Variants in IL5 observed in about 807,000 individuals in gnomAD.
IL5 encodes the protein interleukin-5.
In IL5, 12 loss-of-function variants were observed where a neutral mutation model predicts 16.3. That is an observed-to-expected ratio of 0.74 (90% CI 0.47 to 1.20). The LOEUF is 1.20. IL5 is among the 50% of genes most tolerant of loss of function. The probability of loss-of-function intolerance (pLI) is 0.00; values close to 1 mark genes in which losing one functional copy is unlikely to be tolerated. For synonymous variants in IL5, 54 were observed against 56.6 expected (o/e 0.95, Z 0.21); for missense variants, 159 against 153.9 (o/e 1.03, Z -0.17).
chr5:132,550,473 G>A (rs192098263), intron 1 of IL5, among the ~76,000 whole-genome samples: 2 of 152,166 alleles, frequency 1.3e-5, no homozygotes, highest in Admixed American at 6.5e-5. Context: ...AAAGGCACGC[G>A]CCATCATGCC....
At chr5:132,549,053 A>T (rs1749840950) in intron 1 of IL5, among the ~76,000 whole-genome samples, 1 of 151,992 alleles carries the variant, frequency 6.6e-6, no homozygotes, top group African/African-American at 2.4e-5. Flanking sequence ...TGGAAACTCA[A>T]GAAGTCTTTT....
At chr5:132,550,712 A>G (rs777552670) in intron 1 of IL5, among the ~76,000 whole-genome samples, 7 of 152,204 alleles carry the variant, frequency 4.6e-5, no homozygotes, top group Non-Finnish European at 1.0e-4. Context: ...TATTAGCACC[A>G]GGAGATATAT....
At chr5:132,544,209 C>T (rs4986967), upstream of IL5, among the ~76,000 whole-genome samples, 2 of 152,210 alleles carry the variant, frequency 1.3e-5, no homozygotes, top group Admixed American at 6.5e-5. Flanking sequence ...AGATGATGTC[C>T]AGACTCCTGG....
chr5:132,545,422 G>A (rs1186977142), upstream of IL5, among the ~76,000 whole-genome samples: 2 of 152,184 alleles, frequency 1.3e-5, no homozygotes, highest in Non-Finnish European at 2.9e-5. Flanking sequence ...GGAGGCTGAA[G>A]CAGAAGGATT....
chr5:132,556,520 T>C lies in IL5; in HGVS notation c.42+154A>G, dbSNP rs551101157. 18 of 227,764 alleles carry C rather than the reference T, an allele frequency of 7.9e-5. No individual in the cohort carries two copies. In the East Asian group the frequency reaches 3.0e-3, roughly 37 times the overall value. The allele number at this position is 227,764 out of a possible 1,614,324, so 14.1% of individuals were successfully genotyped here. A position where few individuals can be genotyped will look rare whatever the true frequency, so the allele number is the denominator to read the frequency against. On this transcript the variant is annotated intron_variant, in intron 1 of 2. Transcript: ENST00000450655. ...ACATTTACTCAATTAGAAATTAAAA[T>C]TGGTATTTCTAAGCGCAAGAATACA...
At chr5:132,544,560 C>T (rs2069809), upstream of IL5, among the ~76,000 whole-genome samples, 628 of 152,302 alleles carry the variant, frequency 4.1e-3, 1 homozygote, top group African/African-American at 0.014. Flanking sequence ...ACACCTTGGG[C>T]GGGCCATGAA....
chr5:132,547,514 G>A (rs1580967264), upstream of IL5, among the ~76,000 whole-genome samples: 1 of 152,280 alleles, frequency 6.6e-6, no homozygotes. Flanking sequence ...AGCCAGAGAG[G>A]CCTCTAAGAG....
In IL5 at chr5:132,543,398, A is replaced by G. The variant is rs766810951; in HGVS notation, c.81T>C (p.Ser27=). 6.2e-7 allele frequency: 1 copy of G among 1,614,200 alleles called. No homozygotes were observed. Among genetic ancestry groups the G allele is most frequent in the East Asian group, 2.2e-5 (1 of 44,878 alleles). ...GTGCCAAGGTCTCTTTCACCAATGC[A>G]CTTGTGGGAATTTCTGTGGGGATGG... is the stretch of plus-strand genomic sequence containing the variant. The part of the protein sequence containing the change: ...VYAIPTEIPT[S]ALVKETLALL... Residue 27 remains serine (S), a synonymous_variant, in exon 1 of 4, where the codon AGT becomes AGC. Coordinates refer to ENST00000231454, the MANE Select transcript of IL5 (RefSeq NM_000879.3).
chr5:132,548,909 G>A (rs1456844931), intron 1 of IL5, among the ~76,000 whole-genome samples: 1 of 152,176 alleles, frequency 6.6e-6, no homozygotes, highest in East Asian at 1.9e-4. Context: ...TTTGTGGCCA[G>A]AAATATGCCA....
At chr5:132,552,094 C>T (rs1481309699) in intron 1 of IL5, among the ~76,000 whole-genome samples, 3 of 152,088 alleles carry the variant, frequency 2.0e-5, no homozygotes, top group African/African-American at 7.2e-5. Context: ...CATAGTGAAA[C>T]CCCGTCTCTA....
upstream of IL5, among the ~76,000 whole-genome samples, chr5:132,546,562 A>G (rs114772795): frequency 4.1e-3 from 617 of 152,290 alleles, 1 homozygote; most frequent in African/African-American, 0.014. Flanking sequence ...ATGGACACCA[A>G]TGTTGCTTCC....
upstream of IL5, among the ~76,000 whole-genome samples, chr5:132,548,154 A>G (rs1322705276): frequency 2.0e-5 from 3 of 152,058 alleles, no homozygotes; most frequent in African/African-American, 7.2e-5. Context: ...GGCTTTGCTC[A>G]GGAGGCTGAG....
At chr5:132,556,790 G>A in exon 1 of IL5, 5 of 1,198,752 alleles carry the variant, frequency 4.2e-6, no homozygotes, top group Non-Finnish European at 5.3e-6. Context: ...AAAAGTCAGT[G>A]CCTCTCCAGG....
At chr5:132,555,197 C>G (rs1330087667) in intron 1 of IL5, among the ~76,000 whole-genome samples, 6 of 152,180 alleles carry the variant, frequency 3.9e-5, no homozygotes, top group Non-Finnish European at 8.8e-5. Context: ...TCCTAACAGG[C>G]CAGGTATGCA....
intron 1 of IL5, among the ~76,000 whole-genome samples, chr5:132,554,543 C>G (rs931605335): frequency 8.5e-5 from 13 of 152,056 alleles, no homozygotes; most frequent in Admixed American, 2.6e-4. Context: ...CATAAAATAA[C>G]AAGTGTTGGC....
At chr5:132,549,125 G>A (rs1171110162) in intron 1 of IL5, among the ~76,000 whole-genome samples, 1 of 151,984 alleles carries the variant, frequency 6.6e-6, no homozygotes, top group South Asian at 2.1e-4. Context: ...GTGCAATCTC[G>A]GCTCACTGCA....
At chr5:132,546,643 C>T (rs886489163), upstream of IL5, among the ~76,000 whole-genome samples, 7 of 152,106 alleles carry the variant, frequency 4.6e-5, no homozygotes, top group South Asian at 2.1e-4. Context: ...ATAAAGTTTT[C>T]GTGTCATTAA....
chr5:132,553,316 T>C (rs1312472856), intron 1 of IL5, among the ~76,000 whole-genome samples: 3 of 152,188 alleles, frequency 2.0e-5, no homozygotes, highest in African/African-American at 7.2e-5. Flanking sequence ...GAAAGTTACA[T>C]CTAAAGGTAT....
In IL5 at chr5:132,541,697, C is replaced by G. The variant is rs558750688; in HGVS notation, c.*114G>C. Reference sequence around the variant, plus strand: ...TATGCCTGAAATATTTACTTTCCCTCTGAAGTTAAATTATACTGAAAATTA... The same window carrying G: ...TATGCCTGAAATATTTACTTTCCCTGTGAAGTTAAATTATACTGAAAATTA... On this transcript the variant is annotated 3_prime_UTR_variant, in exon 4 of 4. Coordinates refer to ENST00000231454, the MANE Select transcript of IL5 (RefSeq NM_000879.3). 1.7e-6 allele frequency: 1 copy of G among 600,610 alleles called. No homozygotes were observed. Among genetic ancestry groups the G allele is most frequent in the East Asian group, 2.9e-5 (1 of 34,488 alleles). 37.2% of individuals were successfully genotyped at this position (600,610 alleles called of 1,614,324 possible). A position where few individuals can be genotyped will look rare whatever the true frequency, so the allele number is the denominator to read the frequency against.
Sources: allele counts gnomAD v4.1 joint callset (sites outside exome capture counted in the v4.1 genomes callset), GRCh38; gene constraint gnomAD v4.1.1; transcripts MANE v1.5; gene names NCBI Gene and HGNC (gene_info 2026-07-23, HGNC 2026-07-21).